Variants in KHDRBS2 observed in about 807,000 individuals in gnomAD.
KHDRBS2 encodes KH domain-containing, RNA-binding, signal transduction-associated protein 2.
Under a neutral mutation model 44.3 loss-of-function variants are expected in KHDRBS2, and 26 were observed. The ratio of observed to expected loss-of-function variants is 0.59; its 90% CI spans 0.43 to 0.81. The LOEUF (loss-of-function observed/expected upper bound fraction) is 0.81, where lower values mean the gene tolerates loss of function less well. Among genes scored for constraint, KHDRBS2 ranks in the 40% least tolerant of loss-of-function variants. The probability of loss-of-function intolerance (pLI) is 0.00; values close to 1 mark genes in which losing one functional copy is unlikely to be tolerated. For missense variants in KHDRBS2, 476 were observed against 433.1 expected (o/e 1.10, Z -0.88); for synonymous variants, 194 against 151.1 (o/e 1.28, Z -2.08).
At chr6:62,007,249 C>A (rs1352486571) in intron 3 of KHDRBS2, among the ~76,000 whole-genome samples, 3 of 152,144 alleles carry the variant, frequency 2.0e-5, no homozygotes, top group African/African-American at 2.4e-5. Context: ...TCTGCTTAAC[C>A]TTTATTACTT....
intron 7 of KHDRBS2, among the ~76,000 whole-genome samples, chr6:61,730,692 A>G (rs1456408960): frequency 6.6e-6 from 1 of 152,080 alleles, no homozygotes; most frequent in African/African-American, 2.4e-5. Context: ...GAATTTAGCT[A>G]CAAAAATTGA....
chr6:61,743,192 A>G (rs1252070910), intron 6 of KHDRBS2, among the ~76,000 whole-genome samples: 1 of 152,204 alleles, frequency 6.6e-6, no homozygotes, highest in Non-Finnish European at 1.5e-5. Context: ...ATAAACATAT[A>G]TAACAAGCAT....
At chr6:62,044,440 T>G (rs1787225759) in intron 3 of KHDRBS2, among the ~76,000 whole-genome samples, 1 of 151,794 alleles carries the variant, frequency 6.6e-6, no homozygotes, top group Non-Finnish European at 1.5e-5. Context: ...GAGCTGTGAT[T>G]GCACCACAAT....
chr6:61,772,038 A>T (rs1478496629), intron 6 of KHDRBS2, among the ~76,000 whole-genome samples: 5 of 152,170 alleles, frequency 3.3e-5, no homozygotes, highest in African/African-American at 4.8e-5. Flanking sequence ...CTGCTCAACC[A>T]CATGGAAACT....
chr6:61,561,619 G>A, the KHDRBS2 span, among the ~76,000 whole-genome samples: 1 of 152,008 alleles, frequency 6.6e-6, no homozygotes, highest in Admixed American at 6.6e-5. Flanking sequence ...TTCTCCCCAT[G>A]GTCACCCCCA....
chr6:61,916,229 T>C (rs138272457), intron 4 of KHDRBS2, among the ~76,000 whole-genome samples: 1,954 of 152,152 alleles, frequency 0.013, 45 homozygotes, highest in African/African-American at 0.044. Context: ...AGACCTGTAT[T>C]GTTTTAAGTT....
chr6:62,258,215 G>C (rs553361634), intron 1 of KHDRBS2, among the ~76,000 whole-genome samples: 1 of 152,142 alleles, frequency 6.6e-6, no homozygotes, highest in African/African-American at 2.4e-5. Flanking sequence ...ATCCCTGAAG[G>C]ATAAAGACGC....
At chr6:61,876,960 C>T (rs984125945) in intron 6 of KHDRBS2, among the ~76,000 whole-genome samples, 26 of 152,008 alleles carry the variant, frequency 1.7e-4, no homozygotes, top group African/African-American at 5.8e-4. Flanking sequence ...ATACATTAGA[C>T]TGGGAGTTGG....
At chr6:61,957,674 T>C (rs1352517344) in intron 4 of KHDRBS2, among the ~76,000 whole-genome samples, 1 of 152,168 alleles carries the variant, frequency 6.6e-6, no homozygotes, top group Non-Finnish European at 1.5e-5. Context: ...TCAATGACAA[T>C]GTGTGCCTGA....
chr6:61,568,611 C>G, the KHDRBS2 span, among the ~76,000 whole-genome samples: 1 of 118,508 alleles, frequency 8.4e-6, no homozygotes, highest in Non-Finnish European at 1.7e-5. Context: ...AGTGGGAAAC[C>G]TGACTTTGAA....
At chr6:61,546,365 G>T in the KHDRBS2 span, among the ~76,000 whole-genome samples, 1 of 152,016 alleles carries the variant, frequency 6.6e-6, no homozygotes, top group Non-Finnish European at 1.5e-5. Context: ...GCCAATTTGT[G>T]TTCATGCATT....
At chr6:61,597,445 AC>A in the KHDRBS2 span, among the ~76,000 whole-genome samples, 1 of 151,922 alleles carries the variant, frequency 6.6e-6, no homozygotes, top group Non-Finnish European at 1.5e-5. Context: ...GGCCAGTGGC[AC>A]CTTGATTGTG....
intron 2 of KHDRBS2, among the ~76,000 whole-genome samples, chr6:62,091,276 C>G (rs561078175): frequency 1.6e-5 from 1 of 63,714 alleles, no homozygotes; most frequent in East Asian, 3.6e-4. Flanking sequence ...AATTGTACCA[C>G]AGTATTTTTT....
chr6:61,676,186 G>C (rs73757443), downstream of KHDRBS2, among the ~76,000 whole-genome samples: 8,758 of 151,820 alleles, frequency 0.058, 424 homozygotes, highest in African/African-American at 0.12. Flanking sequence ...CCACTAAAAG[G>C]ATACTAACTT....
At chr6:62,106,153 T>C (rs1482105273) in intron 2 of KHDRBS2, among the ~76,000 whole-genome samples, 1 of 152,206 alleles carries the variant, frequency 6.6e-6, no homozygotes, top group Non-Finnish European at 1.5e-5. Context: ...CAGTTTGTTA[T>C]AATTTCTGTT....
At chr6:61,713,688 A>C (rs2061221140) in intron 7 of KHDRBS2, among the ~76,000 whole-genome samples, 1 of 151,562 alleles carries the variant, frequency 6.6e-6, no homozygotes, top group Admixed American at 6.6e-5. Context: ...CTTGTATACA[A>C]TATACACATA....
chr6:61,955,487 T>C (rs1320119065), intron 4 of KHDRBS2, among the ~76,000 whole-genome samples: 1 of 92,092 alleles, frequency 1.1e-5, no homozygotes, highest in African/African-American at 3.6e-5. Flanking sequence ...CATATGTATG[T>C]ATGTATACAT....
chr6:61,682,473 G>A (rs572846212), intron 8 of KHDRBS2, among the ~76,000 whole-genome samples: 1 of 151,950 alleles, frequency 6.6e-6, no homozygotes, highest in African/African-American at 2.4e-5. Context: ...TTGGATCAGA[G>A]GTTGGCATAC....
chr6:61,916,096 C>T (rs1362788275), intron 4 of KHDRBS2, among the ~76,000 whole-genome samples: 1 of 152,060 alleles, frequency 6.6e-6, no homozygotes, highest in African/African-American at 2.4e-5. Context: ...ACACTTAATT[C>T]TAAACTTAAT....
Sources: gnomAD v4.1 joint callset for allele counts (sites outside exome capture counted in the v4.1 genomes callset) on GRCh38, gnomAD v4.1.1 for gene constraint, MANE v1.5 for transcripts, NCBI Gene and HGNC (gene_info 2026-07-23, HGNC 2026-07-21) for gene names.